EPAS1: variants seen among roughly 807,000 people sequenced by gnomAD.
The protein encoded by EPAS1 is endothelial PAS domain-containing protein 1.
In EPAS1, 23 loss-of-function variants were observed where a neutral mutation model predicts 87.9. The observed-to-expected ratio is 0.26, with a 90% CI of 0.19 to 0.37. The LOEUF is 0.37. Among genes scored for constraint, EPAS1 ranks in the 10% least tolerant of loss-of-function variants. The pLI, the probability that EPAS1 is intolerant of heterozygous loss-of-function variation, is 1.00. For missense variants in EPAS1, 1,138 were observed against 1,120.7 expected (o/e 1.02, Z -0.22); for synonymous variants, 508 against 444.3 (o/e 1.14, Z -1.80).
chr2:46,314,379 A>G (rs1481186422), intron 1 of EPAS1, among the ~76,000 whole-genome samples: 1 of 152,154 alleles, frequency 6.6e-6, no homozygotes, highest in Non-Finnish European at 1.5e-5. Context: ...CACTGCCTGT[A>G]CCTCCACAGA....
chr2:46,302,257 A>G (rs1683022086), intron 1 of EPAS1, among the ~76,000 whole-genome samples: 4 of 152,122 alleles, frequency 2.6e-5, no homozygotes, highest in Admixed American at 2.0e-4. Flanking sequence ...TCAGTGCTCC[A>G]GGATTTTAGG....
At chr2:46,378,535 AGTTGTGTGGTGGAATG>A (rs1684808668) in intron 10 of EPAS1, 106 bp from the exon 11 acceptor site, 1 of 806,826 alleles carries the variant, frequency 1.2e-6, no homozygotes, top group Non-Finnish European at 2.1e-6. Context: ...CTCTACAAAT[AGTTGTGTGGTGGAATG>A]GAATTGAACC....
At chr2:46,351,982 G>A (rs909950666) in intron 2 of EPAS1, among the ~76,000 whole-genome samples, 1 of 152,092 alleles carries the variant, frequency 6.6e-6, no homozygotes, top group Non-Finnish European at 1.5e-5. Flanking sequence ...ACCTCAGCCC[G>A]CGCATATCCT....
chr2:46,325,573 G>A (rs1683547279), intron 1 of EPAS1, among the ~76,000 whole-genome samples: 1 of 152,148 alleles, frequency 6.6e-6, no homozygotes, highest in African/African-American at 2.4e-5. Context: ...TAATTGTATG[G>A]TAGCTAGTCA....
At chr2:46,352,232 C>T (rs1406968369) in intron 2 of EPAS1, among the ~76,000 whole-genome samples, 1 of 152,170 alleles carries the variant, frequency 6.6e-6, no homozygotes, top group Non-Finnish European at 1.5e-5. Context: ...CTGGGCTCCT[C>T]ACTTTGTTCT....
intron 4 of EPAS1, among the ~76,000 whole-genome samples, chr2:46,357,521 CCTT>C (rs1363169547): frequency 6.6e-6 from 1 of 152,340 alleles, no homozygotes; most frequent in African/African-American, 2.4e-5. Flanking sequence ...AGCTGCCAGG[CCTT>C]CTGAAGGCTT....
chr2:46,376,457 T>C (rs1684749672), intron 8 of EPAS1, 82 bp from the exon 9 acceptor site: 4 of 1,375,818 alleles, frequency 2.9e-6, no homozygotes, highest in Non-Finnish European at 4.1e-6. Flanking sequence ...AGAGCTTAGC[T>C]ATGAGGGTTT....
chr2:46,329,252 C>T (rs189820132), intron 1 of EPAS1, among the ~76,000 whole-genome samples: 6 of 152,112 alleles, frequency 3.9e-5, no homozygotes, highest in Non-Finnish European at 7.4e-5. Context: ...CATCTGGGTG[C>T]GAGGCAACCA....
rs985503055 is a variant in EPAS1, at chr2:46,380,107, G to A, written c.1555-120G>A. On this transcript the variant is annotated intron_variant, in intron 11 of 15. Transcript: ENST00000263734. The surrounding 1 kb of genome is among the most constrained non-coding windows in gnomAD (Gnocchi z 4.4). ...TAGGCCCTCGGGAGCCAGTGGAGGC[G>A]TTTGAGCAGCACTGTGAAACAGTGC... The A allele has an allele frequency of 2.0e-5, 31 of 1,551,744 alleles. No homozygotes were observed. The highest frequency in any genetic ancestry group is 1.5e-4 in the African/African-American group (11 of 73,902).
chr2:46,339,749 G>A (rs1335047246), intron 1 of EPAS1, among the ~76,000 whole-genome samples: 1 of 152,184 alleles, frequency 6.6e-6, no homozygotes, highest in Non-Finnish European at 1.5e-5. Flanking sequence ...ATTTCTCATG[G>A]TTCTGGATGC....
chr2:46,381,791 G>T (rs1684899554), intron 13 of EPAS1, 69 bp downstream of exon 13: 2 of 1,603,864 alleles, frequency 1.2e-6, no homozygotes, highest in African/African-American at 1.3e-5. Context: ...GCTGAGAGGG[G>T]TGGGGATGTG....
intron 4 of EPAS1, among the ~76,000 whole-genome samples, chr2:46,357,514 T>G (rs574870208): frequency 6.6e-6 from 1 of 152,348 alleles, no homozygotes; most frequent in Non-Finnish European, 1.5e-5. Flanking sequence ...AAGTGGAAGC[T>G]GCCAGGCCTT....
chr2:46,330,099 T>C (rs1483035650), intron 1 of EPAS1, among the ~76,000 whole-genome samples: 1 of 152,190 alleles, frequency 6.6e-6, no homozygotes, highest in Non-Finnish European at 1.5e-5. Context: ...GAATCATCAG[T>C]AATACTTTGT....
chr2:46,315,285 G>A (rs775101869), intron 1 of EPAS1, among the ~76,000 whole-genome samples: 8 of 152,190 alleles, frequency 5.3e-5, no homozygotes, highest in African/African-American at 1.7e-4. Flanking sequence ...GCTGATGGCC[G>A]TGAGAGGAGC....
rs1247578240 is a variant in EPAS1, at chr2:46,297,793, C to A, written c.-119C>A. 5.8e-6 allele frequency: 8 copies of A among 1,388,196 alleles called. No individual in the cohort carries two copies. The highest frequency in any genetic ancestry group is 5.0e-6 in the Non-Finnish European group (5 of 1,005,900). The allele number at this position is 1,388,196 out of a possible 1,614,324, so 86.0% of individuals were successfully genotyped here. On this transcript the variant is annotated 5_prime_UTR_variant, in exon 1 of 16. Transcript: ENST00000263734. ...CTGCGCGGGGCGCTCGGGACCTGCG[C>A]GCACCTCGGACCTTCACCACCCGCC...
At chr2:46,303,862 T>C (rs1683058348) in intron 1 of EPAS1, among the ~76,000 whole-genome samples, 1 of 152,148 alleles carries the variant, frequency 6.6e-6, no homozygotes, top group South Asian at 2.1e-4. Context: ...TGCCTCTCCC[T>C]GTGGTGAAGA....
At chr2:46,302,764 A>G (rs1172532106) in intron 1 of EPAS1, among the ~76,000 whole-genome samples, 1 of 149,036 alleles carries the variant, frequency 6.7e-6, no homozygotes, top group East Asian at 2.0e-4. Flanking sequence ...AAAAAGAGAT[A>G]CAAGGAAGCT....
chr2:46,378,183 T>C, intron 10 of EPAS1, 96 bp downstream of exon 10: 1 of 1,515,330 alleles, frequency 6.6e-7, no homozygotes, highest in Non-Finnish European at 8.8e-7. Flanking sequence ...GTACTGTCCT[T>C]CTCAGGTTAT....
chr2:46,303,000 G>A (rs910263602), intron 1 of EPAS1, among the ~76,000 whole-genome samples: 3 of 152,174 alleles, frequency 2.0e-5, no homozygotes, highest in African/African-American at 7.2e-5. Context: ...TTGAACCCGG[G>A]AGGCGGAGGT....
Sources: allele counts gnomAD v4.1 joint callset (sites outside exome capture counted in the v4.1 genomes callset), GRCh38; gene constraint gnomAD v4.1.1; non-coding constraint Gnocchi (gnomAD v3.1); transcripts MANE v1.5; gene names NCBI Gene and HGNC (gene_info 2026-07-23, HGNC 2026-07-21).